KIZ: variants seen among roughly 807,000 people sequenced by gnomAD.
KIZ encodes the protein kizuna centrosomal protein.
In KIZ, 68 loss-of-function variants were observed where a neutral mutation model predicts 79.6. That is an observed-to-expected ratio of 0.85 (90% confidence interval 0.70 to 1.05). The LOEUF (loss-of-function observed/expected upper bound fraction) is 1.05, where lower values mean the gene tolerates loss of function less well. KIZ is among the 50% of genes least tolerant of loss of function. KIZ has a pLI of 0.00. For missense variants in KIZ, 797 were observed against 800.4 expected, an observed-to-expected ratio of 1.00 and a Z score of 0.05; for synonymous variants, 280 against 281.8, an observed-to-expected ratio of 0.99 and a Z score of 0.06.
At chr20:21,166,489 C>A in intron 6 of KIZ, 1 of 1,569,162 alleles carries the variant, frequency 6.4e-7, no homozygotes, top group Non-Finnish European at 8.7e-7. Flanking sequence ...CAATGAGAAA[C>A]CGGACGATGA....
chr20:21,147,994 T>TGTGTGTGTGTGTGG lies in KIZ; in HGVS notation c.405+2341_405+2342insTGTGTGTGTGTGGG, dbSNP rs1305964631. 3.8e-4 allele frequency among the ~76,000 whole-genome samples: 58 copies of TGTGTGTGTGTGTGG among 151,238 alleles called. 1 individual carries two copies. In the South Asian group the frequency reaches 0.012, roughly 31 times the overall value. ...GTGTGTGTGTGTGTGTGTGTGTGTG[T>TGTGTGTGTGTGTGG]GGCAGCAGATGAAGGAAGGACTTGT... On this transcript the variant is annotated intron_variant, in intron 4 of 12. Coordinates refer to ENST00000619189, the MANE Select transcript of KIZ (RefSeq NM_018474.6).
chr20:21,144,245 A>G (rs944208067), intron 3 of KIZ: 3 of 152,190 alleles, frequency 2.0e-5, no homozygotes, highest in African/African-American at 7.2e-5. Flanking sequence ...ATGCTCATTG[A>G]TCTCAAAGAG....
rs771585433 is a variant in KIZ, at chr20:21,214,544, T to A, written c.1456T>A (p.Leu486Ile). 3.1e-6 allele frequency: 5 copies of A among 1,612,980 alleles called. No homozygotes were observed. Among genetic ancestry groups the A allele is most frequent in the Non-Finnish European group, 3.4e-6 (4 of 1,179,284 alleles). Residue 486 changes from leucine to isoleucine, a missense_variant, in exon 8 of 13, where the codon TTA (leucine) becomes ATA (isoleucine). Transcript: ENST00000619189. ...DNSVKEEATA[L>I]LRKALTEECG... ...TTTTGAAACACTGTAGGCAACAGCA[T>A]TATTGAGAAAAGCCCTTACAGAAGA... is the stretch of plus-strand genomic sequence containing the variant.
At chr20:21,198,648 A>G (rs1049534758) in intron 6 of KIZ, 3 of 152,654 alleles carry the variant, frequency 2.0e-5, no homozygotes, top group Admixed American at 1.3e-4. Context: ...CAAAGGGTGG[A>G]TGGAAATCAG....
intron 6 of KIZ, among the ~76,000 whole-genome samples, chr20:21,176,139 G>T: frequency 6.6e-6 from 1 of 152,226 alleles, no homozygotes; most frequent in South Asian, 2.1e-4. Flanking sequence ...GCAAAACCCT[G>T]TCTCTACTAA....
At chr20:21,134,349 AC>A (rs1206354213) in intron 2 of KIZ, among the ~76,000 whole-genome samples, 1 of 152,022 alleles carries the variant, frequency 6.6e-6, no homozygotes, top group Non-Finnish European at 1.5e-5. Flanking sequence ...TAGGTGCTTC[AC>A]TTCCATCTGA....
At position 21,208,927 on chromosome 20, in the gene KIZ, C is replaced by G. The variant is rs189440193; in HGVS notation, c.1446+3343C>G. Among the ~76,000 whole-genome samples the G allele has an allele frequency of 5.9e-5, 9 of 151,474 alleles. No individual in the cohort carries two copies. In the South Asian group the frequency reaches 1.3e-3, roughly 21 times the overall value. Reference sequence around the variant, plus strand: ...TTGAGTTGTTTCTGTGTATTGAAACCATCTACACATTTGGTAAATACTACG... The same window carrying G: ...TTGAGTTGTTTCTGTGTATTGAAACGATCTACACATTTGGTAAATACTACG... On this transcript the variant is annotated intron_variant, in intron 7 of 12. Transcript: ENST00000619189.
At chr20:21,174,248 T>C (rs780286208) in intron 6 of KIZ, among the ~76,000 whole-genome samples, 4 of 152,200 alleles carry the variant, frequency 2.6e-5, no homozygotes, top group South Asian at 2.1e-4. Context: ...GGCACTGTTT[T>C]AACACCTTTA....
intron 2 of KIZ, among the ~76,000 whole-genome samples, chr20:21,134,680 T>TTC (rs1568905799): frequency 1.4e-5 from 2 of 146,970 alleles, no homozygotes. Flanking sequence ...TTTTTTTTTT[T>TTC]CCCCAAGACA....
At chr20:21,245,979 TC>T (rs1221322144) in intron 12 of KIZ, 1 of 153,714 alleles carries the variant, frequency 6.5e-6, no homozygotes, top group Non-Finnish European at 1.4e-5. Context: ...TGTGTCACTG[TC>T]CCCATGGTTC....
chr20:21,142,741 T>C (rs1239095333), intron 3 of KIZ, among the ~76,000 whole-genome samples: 2 of 151,924 alleles, frequency 1.3e-5, no homozygotes, highest in Non-Finnish European at 2.9e-5. Flanking sequence ...CAGTGAGTTG[T>C]GATCATGCCA....
chr20:21,141,020 A>G (rs1449118299), intron 3 of KIZ, among the ~76,000 whole-genome samples: 1 of 152,006 alleles, frequency 6.6e-6, no homozygotes, highest in Non-Finnish European at 1.5e-5. Context: ...AAAAAAATTA[A>G]TAATAATAAA....
intron 1 of KIZ, among the ~76,000 whole-genome samples, chr20:21,130,507 A>G (rs368456048): frequency 6.6e-6 from 1 of 152,212 alleles, no homozygotes; most frequent in South Asian, 2.1e-4. Context: ...AAAATTTCTA[A>G]TGTGGAAGCA....
intron 6 of KIZ, chr20:21,166,061 G>T: frequency 1.6e-6 from 1 of 607,910 alleles, no homozygotes; most frequent in South Asian, 2.0e-5. Context: ...CCACCTCCTG[G>T]GTTCAAGCAA....
chr20:21,220,354 A>G (rs2036463314), intron 9 of KIZ, among the ~76,000 whole-genome samples: 1 of 152,082 alleles, frequency 6.6e-6, no homozygotes, highest in South Asian at 2.1e-4. Context: ...AGAAACTTAG[A>G]AAGGTATCCT....
chr20:21,235,905 G>A (rs1428886929), intron 11 of KIZ, among the ~76,000 whole-genome samples: 2 of 152,188 alleles, frequency 1.3e-5, no homozygotes, highest in Admixed American at 6.5e-5. Flanking sequence ...CCTGGTCACT[G>A]TGCCATTTTC....
intron 9 of KIZ, among the ~76,000 whole-genome samples, chr20:21,221,543 C>G (rs377275710): frequency 2.0e-5 from 3 of 152,190 alleles, no homozygotes; most frequent in Non-Finnish European, 4.4e-5. Context: ...CATTCAGACT[C>G]TCATTCTTTT....
intron 11 of KIZ, among the ~76,000 whole-genome samples, chr20:21,239,537 T>G (rs1276196784): frequency 1.3e-5 from 2 of 152,130 alleles, no homozygotes; most frequent in Non-Finnish European, 2.9e-5. Context: ...AAATAGTGGG[T>G]TTCTTGGCCT....
At chr20:21,149,708 G>GC (rs2033021042) in intron 4 of KIZ, among the ~76,000 whole-genome samples, 1 of 152,232 alleles carries the variant, frequency 6.6e-6, no homozygotes, top group Non-Finnish European at 1.5e-5. Flanking sequence ...CAGGATCTGA[G>GC]CACCATTCAT....
Sources: gnomAD v4.1 joint callset for allele counts (sites outside exome capture counted in the v4.1 genomes callset) on GRCh38, gnomAD v4.1.1 for gene constraint, MANE v1.5 for transcripts, NCBI Gene and HGNC (gene_info 2026-07-23, HGNC 2026-07-21) for gene names.